The following KAZN variants were observed in gnomAD, a reference collection of about 807,000 sequenced individuals.
The protein encoded by KAZN is kazrin, periplakin interacting protein.
KAZN carries 40 observed loss-of-function variants against 87.4 expected under a neutral mutation model. That is an observed-to-expected ratio of 0.46 (90% confidence interval 0.36 to 0.60). The LOEUF (loss-of-function observed/expected upper bound fraction) is 0.60, where lower values mean the gene tolerates loss of function less well. KAZN is among the 20% of genes least tolerant of loss of function. The pLI, the probability that KAZN is intolerant of heterozygous loss-of-function variation, is 0.00. For synonymous variants in KAZN, 466 were observed against 458.3 expected (o/e 1.02, Z -0.22); for missense variants, 898 against 1,073.9 (o/e 0.84, Z 2.29).
intron 1 of KAZN, among the ~76,000 whole-genome samples, chr1:14,958,681 G>A (rs956187827): frequency 6.6e-6 from 1 of 152,316 alleles, no homozygotes; most frequent in Non-Finnish European, 1.5e-5. Flanking sequence ...CCTCGGGGGC[G>A]AGGACTGTGC....
At chr1:15,063,273 G>T in intron 6 of KAZN, 1 of 441,470 alleles carries the variant, frequency 2.3e-6, no homozygotes. Context: ...GGACAGACTG[G>T]GACAGGAACT....
Position 14,884,934 on chromosome 1 carries a change from G to A in KAZN, c.227-75750G>A, listed in dbSNP as rs1399593523. 1.3e-5 allele frequency among the ~76,000 whole-genome samples: 2 copies of A among 152,198 alleles called. 1 individual carries two copies. Among genetic ancestry groups the A allele is most frequent in the African/African-American group, 4.8e-5 (2 of 41,446 alleles). On this transcript the variant is annotated intron_variant, in intron 1 of 14. Transcript: ENST00000376030. Reference sequence around the variant, plus strand: ...CCTGCCAACAGGCGGGGAGCAGAGGGGACCTTAGACCCTGGCAGAGATCGA... The same window carrying A: ...CCTGCCAACAGGCGGGGAGCAGAGGAGACCTTAGACCCTGGCAGAGATCGA...
chr1:13,943,279 GAC>G (rs1277557495), intron 1 of KAZN, among the ~76,000 whole-genome samples: 1 of 152,152 alleles, frequency 6.6e-6, no homozygotes, highest in East Asian at 1.9e-4. Context: ...AAAGCCAGAA[GAC>G]AATGGAATGG....
chr1:14,574,632 A>G (rs1177223945), intron 2 of KAZN, among the ~76,000 whole-genome samples: 4 of 152,166 alleles, frequency 2.6e-5, no homozygotes, highest in Admixed American at 1.3e-4. Flanking sequence ...TTTCTTTATA[A>G]ATTACCCAGT....
chr1:14,458,974 TGAAGAA>T (rs1235105370), intron 2 of KAZN, among the ~76,000 whole-genome samples: 1 of 152,158 alleles, frequency 6.6e-6, no homozygotes, highest in African/African-American at 2.4e-5. Context: ...AATCTCAACT[TGAAGAA>T]GAGGGAAGCT....
At chr1:14,059,994 G>A (rs1642723451) in intron 1 of KAZN, among the ~76,000 whole-genome samples, 2 of 152,238 alleles carry the variant, frequency 1.3e-5, no homozygotes, top group East Asian at 1.9e-4. Context: ...CATTTGGTAG[G>A]CAAGTCTCTT....
intron 1 of KAZN, among the ~76,000 whole-genome samples, chr1:14,724,903 G>C (rs1643306150): frequency 6.6e-6 from 1 of 152,232 alleles, no homozygotes; most frequent in Admixed American, 6.5e-5. Flanking sequence ...AAAGAAGTCA[G>C]TGCTACTGCG....
chr1:15,060,179 G>A lies in KAZN; in HGVS notation c.924G>A (p.Arg308=). 6.2e-7 allele frequency: 1 copy of A among 1,614,178 alleles called. No homozygotes were observed. Among genetic ancestry groups the A allele is most frequent in the South Asian group, 1.1e-5 (1 of 91,080 alleles). The change falls in exon 6 of 15, where the codon AGG becomes AGA. Residue 308 remains arginine, a synonymous_variant. Transcript: ENST00000376030. The part of the protein sequence containing the change: ...PPHPADRQAV[R]VSPCHSRQPS... ...GCTGTCCCTGCTTTCCAGCGGTCAG[G>A]GTGAGCCCCTGCCACTCCCGGCAGC...
intron 2 of KAZN, among the ~76,000 whole-genome samples, chr1:15,014,936 C>A (rs2102112526): frequency 6.6e-6 from 1 of 152,210 alleles, no homozygotes; most frequent in Non-Finnish European, 1.5e-5. Context: ...TACTGTGGGA[C>A]CTTGGCTGCA....
intron 2 of KAZN, among the ~76,000 whole-genome samples, chr1:14,220,994 G>T (rs544665609): frequency 6.6e-6 from 1 of 152,256 alleles, no homozygotes; most frequent in South Asian, 2.1e-4. Context: ...AAGCATTACT[G>T]AAAGCTGACT....
At chr1:14,435,818 G>A (rs1347080150) in intron 2 of KAZN, among the ~76,000 whole-genome samples, 3 of 151,694 alleles carry the variant, frequency 2.0e-5, no homozygotes, top group Non-Finnish European at 4.4e-5. Context: ...TGGTGACAGG[G>A]CCTAATGATA....
At chr1:14,477,295 G>A (rs113899355) in intron 2 of KAZN, among the ~76,000 whole-genome samples, 118 of 152,156 alleles carry the variant, frequency 7.8e-4, no homozygotes, top group Admixed American at 1.6e-3. Context: ...CTTGCCTTCC[G>A]CCATGATTGT....
At chr1:14,676,423 A>ACGT (rs139089206) in intron 1 of KAZN, among the ~76,000 whole-genome samples, 68,825 of 151,648 alleles carry the variant, frequency 0.45, 15,775 homozygotes, top group South Asian at 0.53. Context: ...AGGCCACTTC[A>ACGT]CGTCCCTGAG....
intron 1 of KAZN, among the ~76,000 whole-genome samples, chr1:14,655,330 C>T (rs2148704800): frequency 6.6e-6 from 1 of 152,348 alleles, no homozygotes; most frequent in South Asian, 2.1e-4. Flanking sequence ...ACAGCAAAGT[C>T]CCATGGCATT....
At chr1:14,618,433 A>G (rs1400678531) in intron 1 of KAZN, among the ~76,000 whole-genome samples, 1 of 152,254 alleles carries the variant, frequency 6.6e-6, no homozygotes, top group Admixed American at 6.5e-5. Flanking sequence ...GGCTGGCCCC[A>G]TGCTGGGCTC....
chr1:14,083,213 T>C (rs1254527620), intron 1 of KAZN, among the ~76,000 whole-genome samples: 1 of 152,220 alleles, frequency 6.6e-6, no homozygotes, highest in African/African-American at 2.4e-5. Context: ...TGCATCATGG[T>C]CTTGATTGTT....
In KAZN at chr1:14,996,777, G is replaced by C. The variant is rs1210080321; in HGVS notation, c.418+35902G>C. ...GCTCCCAAAGGCAGGCCACTTGCAG[G>C]AAGACACACCACGGAGCCTCCCCGC... On this transcript the variant is annotated intron_variant, in intron 2 of 14. Transcript: ENST00000376030. The surrounding 1 kb of genome is among the most constrained non-coding windows in gnomAD (Gnocchi z 5.9). Among the ~76,000 whole-genome samples the C allele has an allele frequency of 1.3e-5, 2 of 152,180 alleles. No homozygotes were observed. The highest frequency in any genetic ancestry group is 6.5e-5 in the Admixed American group (1 of 15,276).
At chr1:14,868,279 A>C (rs1018787283) in intron 1 of KAZN, among the ~76,000 whole-genome samples, 2 of 152,234 alleles carry the variant, frequency 1.3e-5, no homozygotes, top group South Asian at 4.1e-4. Context: ...GTCTGAGGCC[A>C]CTGGAGGGGA....
At chr1:14,730,364 G>A (rs555030306) in intron 1 of KAZN, among the ~76,000 whole-genome samples, 5 of 152,320 alleles carry the variant, frequency 3.3e-5, no homozygotes, top group African/African-American at 1.2e-4. Context: ...TTACAGGCGT[G>A]AGCCACCGTG....
Sources: gnomAD v4.1 joint callset for allele counts (sites outside exome capture counted in the v4.1 genomes callset) on GRCh38, gnomAD v4.1.1 for gene constraint, Gnocchi (gnomAD v3.1) non-coding constraint, MANE v1.5 for transcripts, NCBI Gene and HGNC (gene_info 2026-07-23, HGNC 2026-07-21) for gene names.